The following SIPA1L3 variants were observed in gnomAD, a reference collection of about 807,000 sequenced individuals.
SIPA1L3 encodes the protein signal induced proliferation associated 1 like 3.
SIPA1L3 carries 59 observed loss-of-function variants against 150.1 expected under a neutral mutation model. That is an observed-to-expected ratio of 0.39 (90% CI 0.32 to 0.49). The LOEUF (loss-of-function observed/expected upper bound fraction) is 0.49, where lower values mean the gene tolerates loss of function less well. Among genes scored for constraint, SIPA1L3 ranks in the 20% least tolerant of loss-of-function variants. The probability of loss-of-function intolerance (pLI) is 0.86; values close to 1 mark genes in which losing one functional copy is unlikely to be tolerated. For missense variants in SIPA1L3, 2,211 were observed against 2,489.5 expected (o/e 0.89, Z 2.38); for synonymous variants, 1,070 against 1,077.6 (o/e 0.99, Z 0.14).
At chr19:37,971,093 T>C (rs1038096223) in intron 1 of SIPA1L3, among the ~76,000 whole-genome samples, 1 of 152,156 alleles carries the variant, frequency 6.6e-6, no homozygotes, top group Non-Finnish European at 1.5e-5. Flanking sequence ...AATTTGCCCT[T>C]TTTTAAAAAT....
chr19:38,097,984 G>A (rs1045318961), intron 4 of SIPA1L3, among the ~76,000 whole-genome samples: 1 of 152,154 alleles, frequency 6.6e-6, no homozygotes, highest in African/African-American at 2.4e-5. Flanking sequence ...TGTCAGCTGT[G>A]GTGACCTTGG....
At chr19:38,048,498 G>T (rs576927338) in intron 2 of SIPA1L3, among the ~76,000 whole-genome samples, 4 of 152,266 alleles carry the variant, frequency 2.6e-5, no homozygotes, top group Middle Eastern at 3.4e-3. Flanking sequence ...CTGAGGTCAC[G>T]TGCCCCTCAA....
chr19:38,128,169 G>A (rs1340229551), intron 9 of SIPA1L3, among the ~76,000 whole-genome samples: 1 of 146,830 alleles, frequency 6.8e-6, no homozygotes, highest in Non-Finnish European at 1.5e-5. Flanking sequence ...ATTCTCCTGT[G>A]TCAGCCCCCT....
At chr19:38,013,827 C>G (rs1394867747) in intron 1 of SIPA1L3, among the ~76,000 whole-genome samples, 3 of 152,252 alleles carry the variant, frequency 2.0e-5, no homozygotes, top group African/African-American at 7.2e-5. Context: ...TATGGCACAT[C>G]TGTACTCTTG....
At chr19:37,980,116 T>C (rs1296259183) in intron 1 of SIPA1L3, among the ~76,000 whole-genome samples, 2 of 152,238 alleles carry the variant, frequency 1.3e-5, no homozygotes, top group African/African-American at 4.8e-5. Flanking sequence ...CACTCCCACT[T>C]TGTTTTTATT....
intron 1 of SIPA1L3, among the ~76,000 whole-genome samples, chr19:37,981,804 A>C (rs1425349038): frequency 6.6e-6 from 1 of 152,166 alleles, no homozygotes; most frequent in Non-Finnish European, 1.5e-5. Flanking sequence ...AGGCCCTGGA[A>C]GAGAGGATTG....
chr19:37,934,098 G>A (rs1568469117), intron 1 of SIPA1L3, among the ~76,000 whole-genome samples: 2 of 152,134 alleles, frequency 1.3e-5, no homozygotes, highest in South Asian at 2.1e-4. Context: ...GAATCTGACC[G>A]TGTAATAGCT....
Position 38,182,534 on chromosome 19 carries a change from G to C in SIPA1L3, c.4224G>C (p.Arg1408Ser). 1 of 1,609,350 alleles carries C rather than the reference G, an allele frequency of 6.2e-7. No homozygotes were observed. Among genetic ancestry groups the C allele is most frequent in the Non-Finnish European group, 8.5e-7 (1 of 1,177,396 alleles). ...PPRQPSDMGS[R>S]VGYPAQVYKT... ...TGCTTTGCAGTGACATGGGCTCGAG[G>C]GTTGGCTACCCCGCTCAGGTTTACA... Residue 1408 changes from arginine (R) to serine (S), a missense_variant, in exon 16 of 22, where the codon AGG becomes AGC. Arg to Ser is a moderately radical substitution (Grantham distance 110). Coordinates refer to ENST00000222345, the MANE Select transcript of SIPA1L3 (RefSeq NM_015073.3).
chr19:38,192,828 G>A (rs1354772321), intron 17 of SIPA1L3, among the ~76,000 whole-genome samples: 1 of 152,156 alleles, frequency 6.6e-6, no homozygotes, highest in African/African-American at 2.4e-5. Context: ...GTGGACCCCA[G>A]CCTCCCCAGG....
chr19:38,123,938 A>ACCTC, intron 9 of SIPA1L3, among the ~76,000 whole-genome samples: 1 of 129,358 alleles, frequency 7.7e-6, no homozygotes, highest in Admixed American at 7.8e-5. Context: ...GGCGCCCCTC[A>ACCTC]CCTCCCGGAC....
At chr19:38,205,247 G>T (rs950984858) in intron 21 of SIPA1L3, among the ~76,000 whole-genome samples, 1 of 151,806 alleles carries the variant, frequency 6.6e-6, no homozygotes, top group Non-Finnish European at 1.5e-5. Flanking sequence ...GGTGGGTGAG[G>T]TCAGGAGTTC....
chr19:38,093,126 C>G (rs1254476768), intron 4 of SIPA1L3, among the ~76,000 whole-genome samples: 1 of 151,908 alleles, frequency 6.6e-6, no homozygotes, highest in Non-Finnish European at 1.5e-5. Context: ...CCCAAAGTGC[C>G]GGGATTACAG....
intron 16 of SIPA1L3, among the ~76,000 whole-genome samples, chr19:38,187,853 C>T (rs1322267163): frequency 4.6e-5 from 7 of 151,470 alleles, no homozygotes; most frequent in South Asian, 2.1e-4. Context: ...AAAAATTAGC[C>T]GAGTATGATG....
chr19:37,947,142 TGG>T (rs2046719018), intron 1 of SIPA1L3, among the ~76,000 whole-genome samples: 1 of 151,594 alleles, frequency 6.6e-6, no homozygotes, highest in South Asian at 2.1e-4. Context: ...TATAGTGAGC[TGG>T]GATTGCGCCA....
chr19:38,039,617 C>T (rs932689798), intron 2 of SIPA1L3, among the ~76,000 whole-genome samples: 10 of 148,382 alleles, frequency 6.7e-5, no homozygotes, highest in African/African-American at 1.8e-4. Context: ...TTGCTTGAAC[C>T]GGGGAGGCAG....
rs1400512247 is a variant in SIPA1L3 at position 38,081,368 on chromosome 19, T to G, written c.-198T>G. 5 of 569,328 alleles carry G rather than the reference T, an allele frequency of 8.8e-6. No homozygotes were observed. Among genetic ancestry groups the G allele is most frequent in the African/African-American group, 1.9e-5 (1 of 53,696 alleles). The allele number at this position is 569,328 out of a possible 1,614,324, so 35.3% of individuals were successfully genotyped here. A position where few individuals can be genotyped will look rare whatever the true frequency, so the allele number is the denominator to read the frequency against. On this transcript the variant is annotated 5_prime_UTR_variant, in exon 3 of 22. Transcript: ENST00000222345. Reference sequence around the variant, plus strand: ...AGCCCCCAGGACAGCACCTGCTTCCTGAGGTTGTCCTGGCTCAGCTGTGCA... The same window carrying G: ...AGCCCCCAGGACAGCACCTGCTTCCGGAGGTTGTCCTGGCTCAGCTGTGCA...
At chr19:38,099,858 C>A in intron 4 of SIPA1L3, 104 bp from the exon 5 acceptor site, 1 of 1,002,962 alleles carries the variant, frequency 1.0e-6, no homozygotes, top group African/African-American at 1.7e-5. Context: ...CACAAACTTC[C>A]AATCATCACA....
chr19:38,104,407 G>A (rs576246638), intron 6 of SIPA1L3, among the ~76,000 whole-genome samples: 9 of 152,188 alleles, frequency 5.9e-5, no homozygotes, highest in African/African-American at 9.7e-5. Flanking sequence ...TGAGGGTTCC[G>A]TGGGTCAGCT....
At chr19:38,140,740 G>T (rs1162599343) in intron 10 of SIPA1L3, among the ~76,000 whole-genome samples, 1 of 152,050 alleles carries the variant, frequency 6.6e-6, no homozygotes, top group African/African-American at 2.4e-5. Context: ...ACCATTTTAA[G>T]GAGTATTCAC....
Sources: gnomAD v4.1 joint callset for allele counts (sites outside exome capture counted in the v4.1 genomes callset) on GRCh38, gnomAD v4.1.1 for gene constraint, MANE v1.5 for transcripts, NCBI Gene and HGNC (gene_info 2026-07-23, HGNC 2026-07-21) for gene names.